TGFBR1: variants seen among roughly 807,000 people sequenced by gnomAD.
The protein encoded by TGFBR1 is TGF-beta receptor type-1.
In TGFBR1, 20 loss-of-function variants were observed where a neutral mutation model predicts 55.1. The observed-to-expected ratio is 0.36, with a 90% CI of 0.26 to 0.53. The LOEUF (loss-of-function observed/expected upper bound fraction) is 0.53, where lower values mean the gene tolerates loss of function less well. Among genes scored for constraint, TGFBR1 ranks in the 20% least tolerant of loss-of-function variants. The pLI, the probability that TGFBR1 is intolerant of heterozygous loss-of-function variation, is 0.91. For missense variants in TGFBR1, 385 were observed against 617.6 expected (o/e 0.62, Z 3.99); for synonymous variants, 220 against 214.8 (o/e 1.02, Z -0.21).
intron 1 of TGFBR1, among the ~76,000 whole-genome samples, chr9:99,116,685 C>A (rs1367403848): frequency 6.6e-6 from 1 of 152,202 alleles, no homozygotes; most frequent in Non-Finnish European, 1.5e-5. Context: ...CCCCCACTTT[C>A]TTCAGTAGCC....
intron 3 of TGFBR1, among the ~76,000 whole-genome samples, chr9:99,134,566 C>T (rs958798097): frequency 3.3e-5 from 5 of 151,950 alleles, no homozygotes; most frequent in Admixed American, 2.0e-4. Flanking sequence ...GGACCAGAGT[C>T]ACAGAAAATC....
At chr9:99,129,331 T>A (rs1434250767) in intron 2 of TGFBR1, among the ~76,000 whole-genome samples, 1 of 152,210 alleles carries the variant, frequency 6.6e-6, no homozygotes, top group Non-Finnish European at 1.5e-5. Context: ...AGGTCTGTTA[T>A]ACCTAAAAGG....
At chr9:99,146,404 A>T (rs1201500620) in intron 6 of TGFBR1, 81 bp from the exon 7 acceptor site, 5 of 1,511,972 alleles carry the variant, frequency 3.3e-6, no homozygotes. Flanking sequence ...TCTATGTATA[A>T]AGAAATGTCT....
intron 4 of TGFBR1, among the ~76,000 whole-genome samples, chr9:99,140,857 G>A (rs1564165864): frequency 6.6e-6 from 1 of 152,180 alleles, no homozygotes; most frequent in Admixed American, 6.5e-5. Context: ...AGCACAAAAT[G>A]TTGGTGAGTC....
At chr9:99,120,131 A>G (rs1240110999) in intron 1 of TGFBR1, among the ~76,000 whole-genome samples, 1 of 152,248 alleles carries the variant, frequency 6.6e-6, no homozygotes, top group Non-Finnish European at 1.5e-5. Context: ...AAATTTAGGA[A>G]GTAAGTTGAA....
In TGFBR1 at chr9:99,146,583, A is replaced by C; in HGVS notation, c.1229A>C (p.Glu410Ala). ...TATGCAATGGGCTTAGTATTCTGGG[A>C]AATTGCTCGACGATGTTCCATTGGT... ...DIYAMGLVFW[E>A]IARRCSIGGI... The change falls in exon 7 of 9, where the codon GAA (glutamate) becomes GCA (alanine). Residue 410 changes from glutamate to alanine, a missense_variant. Transcript: ENST00000374994. The C allele has an allele frequency of 6.2e-7, 1 of 1,613,992 alleles. No individual in the cohort carries two copies.
rs111426349 is a variant in TGFBR1, at chr9:99,149,252, C to A, written c.1459C>A (p.Arg487=). ...ANGAARLTAL[R]IKKTLSQLSQ... ...TGGAGCAGCTAGGCTTACAGCATTG[C>A]GGATTAAGAAAACATTATCGCAACT... The change falls in exon 9 of 9, where the codon CGG becomes AGG. Residue 487 remains arginine, a synonymous_variant. Coordinates refer to ENST00000374994, the MANE Select transcript of TGFBR1 (RefSeq NM_004612.4). The A allele has an allele frequency of 1.9e-6, 3 of 1,613,468 alleles. No individual in the cohort carries two copies. Among genetic ancestry groups the A allele is most frequent in the East Asian group, 2.2e-5 (1 of 44,878 alleles).
intron 1 of TGFBR1, among the ~76,000 whole-genome samples, chr9:99,123,005 A>G (rs1826937771): frequency 6.6e-6 from 1 of 152,158 alleles, no homozygotes; most frequent in African/African-American, 2.4e-5. Flanking sequence ...CAGACTATAT[A>G]TATAAAGCAT....
chr9:99,138,110 CTTATG>C (rs1827499232), intron 4 of TGFBR1, 21 bp downstream of exon 4: 2 of 1,596,626 alleles, frequency 1.3e-6, no homozygotes, highest in Admixed American at 1.7e-5. Context: ...TTTGCTTTTC[CTTATG>C]TTATATATAA....
chr9:99,142,848 C>T, intron 5 of TGFBR1, 145 bp downstream of exon 5: 1 of 876,378 alleles, frequency 1.1e-6, no homozygotes, highest in Non-Finnish European at 1.8e-6. Flanking sequence ...CGCCCGATCT[C>T]AGGAGTTCAT....
chr9:99,128,679 A>T, intron 1 of TGFBR1, 176 bp from the exon 2 acceptor site: 2 of 841,826 alleles, frequency 2.4e-6, no homozygotes, highest in Non-Finnish European at 3.9e-6. Flanking sequence ...TGTGGTTCTT[A>T]ATATAATTTG....
chr9:99,111,356 C>T (rs1043733033), intron 1 of TGFBR1, among the ~76,000 whole-genome samples: 5 of 132,426 alleles, frequency 3.8e-5, no homozygotes, highest in Non-Finnish European at 6.1e-5. Context: ...GGGCTGGGCA[C>T]AGTAGCTCAC....
chr9:99,152,731 A>G lies in TGFBR1; in HGVS notation c.*3426A>G, dbSNP rs199858917. ...CTGGCTCCAAATGGTAGTGATTCCA[A>G]ATAATGGTTCTGTTAACACTTTGGC... is the stretch of plus-strand genomic sequence containing the variant. On this transcript the variant is annotated 3_prime_UTR_variant, in exon 9 of 9. Coordinates refer to ENST00000374994, the MANE Select transcript of TGFBR1 (RefSeq NM_004612.4). 8.3e-5 allele frequency: 19 copies of G among 227,608 alleles called. 1 individual carries two copies. Among genetic ancestry groups the G allele is most frequent in the Non-Finnish European group, 1.4e-4 (16 of 114,472 alleles). The allele number at this position is 227,608 out of a possible 1,614,324, so 14.1% of individuals were successfully genotyped here.
chr9:99,138,719 A>G (rs1827515529), intron 4 of TGFBR1, among the ~76,000 whole-genome samples: 1 of 152,134 alleles, frequency 6.6e-6, no homozygotes, highest in African/African-American at 2.4e-5. Context: ...AGTCAGAATG[A>G]GTGGGGACTG....
chr9:99,122,251 A>G (rs1356644888), intron 1 of TGFBR1, among the ~76,000 whole-genome samples: 1 of 152,026 alleles, frequency 6.6e-6, no homozygotes, highest in Non-Finnish European at 1.5e-5. Context: ...ATGATGACAC[A>G]CTAAGCCTGG....
Position 99,152,451 on chromosome 9 carries a change from G to C in TGFBR1, c.*3146G>C. The C allele has an allele frequency of 8.7e-6, 2 of 230,248 alleles. No individual in the cohort carries two copies. The highest frequency in any genetic ancestry group is 1.7e-5 in the Non-Finnish European group (2 of 115,758). 14.3% of individuals were successfully genotyped at this position (230,248 alleles called of 1,614,324 possible). ...AAGAAGTGCCTTGAGTTGGTGTACAGTGCCATGGCCATCAAGAATCCCAGA... is the reference window on the plus strand; with the variant it reads ...AAGAAGTGCCTTGAGTTGGTGTACACTGCCATGGCCATCAAGAATCCCAGA... On this transcript the variant is annotated 3_prime_UTR_variant, in exon 9 of 9. Transcript: ENST00000374994.
intron 5 of TGFBR1, 139 bp downstream of exon 5, chr9:99,142,842 C>T (rs1361241332): frequency 1.6e-5 from 15 of 915,456 alleles, no homozygotes; most frequent in East Asian, 5.3e-5. Context: ...GCAGATCGCC[C>T]GATCTCAGGA....
chr9:99,149,380 C>G lies in TGFBR1; in HGVS notation c.*75C>G. 3 of 1,581,904 alleles carry G rather than the reference C, an allele frequency of 1.9e-6. No homozygotes were observed. The highest frequency in any genetic ancestry group is 2.6e-6 in the Non-Finnish European group (3 of 1,152,494). On this transcript the variant is annotated 3_prime_UTR_variant, in exon 9 of 9. Transcript: ENST00000374994. ...GTTTTAATTTGGGAGGTCAATTGTTCTACCTCACTGAGAGGGAACAGAAGG... is the reference window on the plus strand; with the variant it reads ...GTTTTAATTTGGGAGGTCAATTGTTGTACCTCACTGAGAGGGAACAGAAGG...
At chr9:99,105,695 C>T (rs1268240970) in intron 1 of TGFBR1, among the ~76,000 whole-genome samples, 1 of 152,140 alleles carries the variant, frequency 6.6e-6, no homozygotes, top group Non-Finnish European at 1.5e-5. Flanking sequence ...CCGCCGCCGC[C>T]CCCTGGGCAC....
Sources: allele counts gnomAD v4.1 joint callset (sites outside exome capture counted in the v4.1 genomes callset), GRCh38; gene constraint gnomAD v4.1.1; transcripts MANE v1.5; gene names NCBI Gene and HGNC (gene_info 2026-07-23, HGNC 2026-07-21).